Variants in AGBL1 observed in about 807,000 individuals in gnomAD.
AGBL1 encodes the protein cytosolic carboxypeptidase 4.
In AGBL1, 130 loss-of-function variants were observed where a neutral mutation model predicts 118.9. The observed-to-expected ratio is 1.09, with a 90% CI of 0.95 to 1.26. The LOEUF (loss-of-function observed/expected upper bound fraction) is 1.26, where lower values mean the gene tolerates loss of function less well. Ranked by LOEUF, AGBL1 falls within the 50% of genes most tolerant of loss-of-function variation. The pLI is 0.00. For synonymous variants in AGBL1, 555 were observed against 478.9 expected (o/e 1.16, Z -2.08); for missense variants, 1,584 against 1,298.1 (o/e 1.22, Z -3.38).
chr15:86,454,826 G>A (rs772227590), intron 18 of AGBL1, among the ~76,000 whole-genome samples: 22 of 152,064 alleles, frequency 1.4e-4, no homozygotes, highest in Non-Finnish European at 2.2e-4. Context: ...AGATGTACCC[G>A]CTTGTGAAAA....
chr15:86,990,018 G>A (rs2081322764), intron 24 of AGBL1, among the ~76,000 whole-genome samples: 1 of 152,194 alleles, frequency 6.6e-6, no homozygotes, highest in Non-Finnish European at 1.5e-5. Context: ...TCATTCCAGG[G>A]TCTTGGGGGC....
At chr15:86,291,434 T>C (rs1465865523) in intron 16 of AGBL1, among the ~76,000 whole-genome samples, 1 of 152,088 alleles carries the variant, frequency 6.6e-6, no homozygotes, top group East Asian at 1.9e-4. Flanking sequence ...TAATCTTCAG[T>C]GTAGCATGCA....
chr15:86,217,368 G>A (rs2078206815), intron 5 of AGBL1, among the ~76,000 whole-genome samples: 1 of 152,194 alleles, frequency 6.6e-6, no homozygotes, highest in Non-Finnish European at 1.5e-5. Context: ...ACATTTGATG[G>A]TTATCTGTGT....
chr15:86,324,587 TAGAG>T (rs1252272167), intron 17 of AGBL1, among the ~76,000 whole-genome samples: 23 of 152,212 alleles, frequency 1.5e-4, no homozygotes, highest in Admixed American at 1.3e-4. Flanking sequence ...AAAATATTTA[TAGAG>T]AGAGTTTCTG....
intron 23 of AGBL1, among the ~76,000 whole-genome samples, chr15:86,941,817 C>A (rs1396697631): frequency 6.6e-6 from 1 of 152,218 alleles, no homozygotes; most frequent in Non-Finnish European, 1.5e-5. Context: ...ACCATGCACA[C>A]TACAGGAGCA....
intron 20 of AGBL1, among the ~76,000 whole-genome samples, chr15:86,552,475 T>C (rs1229219765): frequency 6.6e-6 from 1 of 152,218 alleles, no homozygotes; most frequent in Non-Finnish European, 1.5e-5. Flanking sequence ...TTGATCACTT[T>C]AGTTGCAGGA....
intron 22 of AGBL1, among the ~76,000 whole-genome samples, chr15:86,701,480 T>C (rs917421517): frequency 6.6e-5 from 10 of 152,124 alleles, no homozygotes; most frequent in Non-Finnish European, 1.3e-4. Flanking sequence ...ATATACATCA[T>C]CAGAATTGTG....
chr15:87,016,900 G>C (rs2141793802), intron 24 of AGBL1, among the ~76,000 whole-genome samples: 1 of 152,244 alleles, frequency 6.6e-6, no homozygotes, highest in East Asian at 1.9e-4. Flanking sequence ...GCTGTGTGAA[G>C]TCCCTGCAGA....
intron 18 of AGBL1, among the ~76,000 whole-genome samples, chr15:86,418,602 T>C (rs1356467680): frequency 6.6e-6 from 1 of 152,194 alleles, no homozygotes; most frequent in Non-Finnish European, 1.5e-5. Flanking sequence ...TTTTCAAAAA[T>C]GGAGACATAT....
intron 5 of AGBL1, among the ~76,000 whole-genome samples, chr15:86,189,730 C>T (rs536364074): frequency 1.2e-4 from 19 of 152,288 alleles, no homozygotes; most frequent in East Asian, 3.9e-4. Context: ...AAGCAGATGC[C>T]GGTGCTGTGC....
intron 1 of AGBL1, among the ~76,000 whole-genome samples, chr15:86,095,269 G>T (rs1463511739): frequency 6.6e-6 from 1 of 152,156 alleles, no homozygotes; most frequent in Non-Finnish European, 1.5e-5. Flanking sequence ...AGGCCTGACT[G>T]ATTGACTCAT....
chr15:87,008,020 G>A (rs894409514), intron 24 of AGBL1, among the ~76,000 whole-genome samples: 2 of 152,224 alleles, frequency 1.3e-5, no homozygotes, highest in Admixed American at 6.5e-5. Flanking sequence ...TTTCTGGTGA[G>A]TGAAGGAGGG....
chr15:86,650,694 T>C (rs2085354267), intron 21 of AGBL1, among the ~76,000 whole-genome samples: 1 of 152,192 alleles, frequency 6.6e-6, no homozygotes, highest in South Asian at 2.1e-4. Context: ...GTCTGTAAAG[T>C]ACATATTTGT....
At chr15:86,677,558 T>A (rs1283034026) in intron 22 of AGBL1, among the ~76,000 whole-genome samples, 2 of 152,134 alleles carry the variant, frequency 1.3e-5, no homozygotes, top group South Asian at 2.1e-4. Context: ...TCGTCTCGAT[T>A]TGTATCCCTC....
In AGBL1 at chr15:86,420,096, A is replaced by G. The variant is rs142123234; in HGVS notation, c.2555+22550A>G. ...TCTGAAGAGAGCAGTGGATCTCCCAATACAGCACTAGATTTCTACTAAGGA... is the reference window on the plus strand; with the variant it reads ...TCTGAAGAGAGCAGTGGATCTCCCAGTACAGCACTAGATTTCTACTAAGGA... On this transcript the variant is annotated intron_variant, in intron 18 of 22. Coordinates refer to ENST00000614907, the MANE Select transcript of AGBL1 (RefSeq NM_001386094.1). Among the ~76,000 whole-genome samples the G allele has an allele frequency of 3.2e-3, 483 of 152,254 alleles. 1 individual carries two copies. The highest frequency in any genetic ancestry group is 0.011 in the African/African-American group (456 of 41,556).
intron 18 of AGBL1, among the ~76,000 whole-genome samples, chr15:86,482,328 A>G (rs1195626175): frequency 6.6e-6 from 1 of 152,124 alleles, no homozygotes; most frequent in African/African-American, 2.4e-5. Context: ...AATTATTGTT[A>G]TTATTGACTC....
At chr15:86,580,753 AT>A (rs149722038) in intron 21 of AGBL1, among the ~76,000 whole-genome samples, 2,721 of 152,240 alleles carry the variant, frequency 0.018, 81 homozygotes, top group African/African-American at 0.062. Flanking sequence ...TATACAAGAA[AT>A]TTTTGTTAAC....
intron 22 of AGBL1, among the ~76,000 whole-genome samples, chr15:86,809,023 T>C (rs2078754707): frequency 6.6e-6 from 1 of 152,176 alleles, no homozygotes; most frequent in Admixed American, 6.6e-5. Context: ...TACTATTCTT[T>C]AGCAAAACAA....
chr15:86,819,259 A>G (rs1313593737), intron 22 of AGBL1, among the ~76,000 whole-genome samples: 1 of 152,124 alleles, frequency 6.6e-6, no homozygotes, highest in Non-Finnish European at 1.5e-5. Context: ...TGGTAGTAGT[A>G]CTAATAGTAG....
Sources: allele counts gnomAD v4.1 joint callset (sites outside exome capture counted in the v4.1 genomes callset), GRCh38; gene constraint gnomAD v4.1.1; transcripts MANE v1.5; gene names NCBI Gene and HGNC (gene_info 2026-07-23, HGNC 2026-07-21).